Variants in TSGA10 observed in about 807,000 individuals in gnomAD.
TSGA10 encodes testis-specific gene 10 protein.
Under a neutral mutation model 96.6 loss-of-function variants are expected in TSGA10, and 43 were observed. The observed-to-expected ratio is 0.44, with a 90% CI of 0.35 to 0.57. The LOEUF is 0.57. Ranked by LOEUF, TSGA10 falls within the 20% of genes least tolerant of loss-of-function variation. The pLI is 0.01. For synonymous variants in TSGA10, 229 were observed against 269.9 expected, an observed-to-expected ratio of 0.85 and a Z score of 1.48; for missense variants, 703 against 834.4, an observed-to-expected ratio of 0.84 and a Z score of 1.94.
chr2:99,055,768 T>A (rs1367956383), intron 16 of TSGA10, among the ~76,000 whole-genome samples: 1 of 148,774 alleles, frequency 6.7e-6, no homozygotes, highest in East Asian at 2.0e-4. Flanking sequence ...GGTGGGAAGA[T>A]CTTGAGCCCA....
At chr2:99,069,451 A>G (rs1204955798) in intron 14 of TSGA10, among the ~76,000 whole-genome samples, 1 of 152,052 alleles carries the variant, frequency 6.6e-6, no homozygotes, top group Admixed American at 6.6e-5. Flanking sequence ...AATGTTGATT[A>G]TTTTTGAAGG....
At chr2:99,148,885 A>C (rs935734603) in intron 1 of TSGA10, among the ~76,000 whole-genome samples, 6 of 152,224 alleles carry the variant, frequency 3.9e-5, no homozygotes, top group Non-Finnish European at 5.9e-5. Flanking sequence ...TTTGCACAAA[A>C]ATGTAAATGT....
At chr2:99,113,105 T>C (rs1294744385) in intron 4 of TSGA10, among the ~76,000 whole-genome samples, 4 of 152,022 alleles carry the variant, frequency 2.6e-5, no homozygotes, top group Non-Finnish European at 5.9e-5. Context: ...GGAAATGCCA[T>C]GTTAACACAT....
rs377350652 is a variant in TSGA10 at position 99,018,656 on chromosome 2, T to C, written c.1818-16A>G. 5.4e-5 allele frequency: 87 copies of C among 1,598,956 alleles called. No homozygotes were observed. The highest frequency in any genetic ancestry group is 6.7e-5 in the Non-Finnish European group (79 of 1,172,858). On this transcript the variant is annotated splice_polypyrimidine_tract_variant and intron_variant, in intron 18 of 20. Coordinates refer to ENST00000393483, the MANE Select transcript of TSGA10 (RefSeq NM_025244.4). ...CTGGATGGCCCTGTTTAAAAGAAGA[T>C]AAGAGTTATAGTTGACTAAACTTAA...
At chr2:99,043,188 AT>A (rs1392162746) in intron 16 of TSGA10, among the ~76,000 whole-genome samples, 1 of 152,094 alleles carries the variant, frequency 6.6e-6, no homozygotes, top group African/African-American at 2.4e-5. Context: ...TATATAAATC[AT>A]TTTTTTAAAA....
chr2:99,127,393 T>A (rs1031814550), intron 1 of TSGA10, among the ~76,000 whole-genome samples: 1 of 152,194 alleles, frequency 6.6e-6, no homozygotes, highest in Non-Finnish European at 1.5e-5. Context: ...TTCAAAGACA[T>A]TCCCTACACT....
chr2:99,120,738 CTA>C (rs1328213561), intron 2 of TSGA10, among the ~76,000 whole-genome samples: 5 of 152,218 alleles, frequency 3.3e-5, no homozygotes, highest in East Asian at 3.9e-4. Context: ...GCATGGTGTT[CTA>C]TATGATTTTT....
chr2:99,004,051 C>T (rs2104809236), intron 20 of TSGA10, among the ~76,000 whole-genome samples: 1 of 151,922 alleles, frequency 6.6e-6, no homozygotes, highest in South Asian at 2.1e-4. Context: ...ACACCACTAG[C>T]AAGACTAATA....
intron 1 of TSGA10, chr2:99,150,372 A>G (rs1402787983): frequency 6.6e-6 from 4 of 607,856 alleles, no homozygotes; most frequent in Admixed American, 3.5e-5. Flanking sequence ...GTAGGAGGCA[A>G]TTTTACTTTA....
intron 17 of TSGA10, among the ~76,000 whole-genome samples, chr2:99,027,277 T>C (rs1398709150): frequency 6.6e-6 from 1 of 152,176 alleles, no homozygotes; most frequent in Non-Finnish European, 1.5e-5. Context: ...GAGGACATCA[T>C]GCTAAATGAA....
At chr2:99,101,871 G>T (rs559651648) in intron 10 of TSGA10, 5 of 556,818 alleles carry the variant, frequency 9.0e-6, no homozygotes, top group South Asian at 6.3e-5. Context: ...AATGGTAGTT[G>T]CCAAGGATTG....
chr2:99,051,431 T>A (rs1474260649), intron 16 of TSGA10, among the ~76,000 whole-genome samples: 1 of 152,030 alleles, frequency 6.6e-6, no homozygotes, highest in Non-Finnish European at 1.5e-5. Flanking sequence ...CCATCAGAAA[T>A]GCGTAAGAAT....
At chr2:99,070,119 T>C (rs1312202329) in intron 14 of TSGA10, among the ~76,000 whole-genome samples, 1 of 152,178 alleles carries the variant, frequency 6.6e-6, no homozygotes, top group Non-Finnish European at 1.5e-5. Flanking sequence ...TAAATTGTTA[T>C]GACAACAGTT....
At chr2:99,111,968 A>T (rs1258060676) in intron 4 of TSGA10, among the ~76,000 whole-genome samples, 1 of 152,176 alleles carries the variant, frequency 6.6e-6, no homozygotes, top group Non-Finnish European at 1.5e-5. Flanking sequence ...ACTGAAGATT[A>T]TGTCTAGGTA....
intron 11 of TSGA10, 159 bp from the exon 12 acceptor site, chr2:99,078,972 T>C (rs2087099724): frequency 3.6e-6 from 2 of 553,438 alleles, no homozygotes; most frequent in Non-Finnish European, 5.7e-6. Context: ...AAAATTTTTT[T>C]GGTTAAAAAC....
intron 15 of TSGA10, among the ~76,000 whole-genome samples, chr2:99,067,225 T>C (rs1374538399): frequency 6.6e-6 from 1 of 152,178 alleles, no homozygotes; most frequent in African/African-American, 2.4e-5. Context: ...CCTAGCACGC[T>C]GCATGAATGA....
chr2:99,105,068 C>T (rs2091197669), intron 9 of TSGA10, among the ~76,000 whole-genome samples: 1 of 151,978 alleles, frequency 6.6e-6, no homozygotes, highest in Non-Finnish European at 1.5e-5. Flanking sequence ...TTATCTTTAA[C>T]AAAATATGGA....
At chr2:99,095,635 C>A (rs893602742) in intron 10 of TSGA10, among the ~76,000 whole-genome samples, 1 of 152,008 alleles carries the variant, frequency 6.6e-6, no homozygotes, top group African/African-American at 2.4e-5. Flanking sequence ...GATATTACAA[C>A]TGACATCACA....
At chr2:99,080,315 C>A (rs1174444670) in intron 11 of TSGA10, among the ~76,000 whole-genome samples, 1 of 152,130 alleles carries the variant, frequency 6.6e-6, no homozygotes, top group Non-Finnish European at 1.5e-5. Flanking sequence ...TTGATCATAT[C>A]CTCCCCTTTT....
Sources: allele counts gnomAD v4.1 joint callset (sites outside exome capture counted in the v4.1 genomes callset), GRCh38; gene constraint gnomAD v4.1.1; transcripts MANE v1.5; gene names NCBI Gene and HGNC (gene_info 2026-07-23, HGNC 2026-07-21).